The following NME9 variants were observed in gnomAD, a reference collection of about 807,000 sequenced individuals.
NME9 encodes thioredoxin domain-containing protein 6.
NME9 carries 48 observed loss-of-function variants against 44.4 expected under a neutral mutation model. The ratio of observed to expected loss-of-function variants is 1.08; its 90% CI spans 0.86 to 1.37. NME9 has a LOEUF of 1.37. NME9 is among the 40% of genes most tolerant of loss of function. The probability of loss-of-function intolerance (pLI) is 0.00; values close to 1 mark genes in which losing one functional copy is unlikely to be tolerated. For missense variants in NME9, 325 were observed against 405.2 expected (o/e 0.80, Z 1.70); for synonymous variants, 139 against 147.1 (o/e 0.94, Z 0.40).
At chr3:138,303,022 A>G (rs1577114290) in intron 10 of NME9, among the ~76,000 whole-genome samples, 1 of 152,336 alleles carries the variant, frequency 6.6e-6, no homozygotes, top group South Asian at 2.1e-4. Flanking sequence ...GGAAGGTCCT[A>G]AACAACGGTC....
At chr3:138,279,607 GAATT>G (rs1025245972) in intron 8 of NME9, among the ~76,000 whole-genome samples, 2 of 152,086 alleles carry the variant, frequency 1.3e-5, no homozygotes, top group Admixed American at 1.3e-4. Flanking sequence ...AATTTGTGAA[GAATT>G]AATTATTTTT....
chr3:138,298,692 C>T (rs193283788), downstream of NME9, among the ~76,000 whole-genome samples: 61 of 152,296 alleles, frequency 4.0e-4, no homozygotes, highest in African/African-American at 1.3e-3. Flanking sequence ...TTAGGTATGC[C>T]CCATCTCCAC....
chr3:138,263,704 G>A (rs761534040), intron 8 of NME9: 2 of 1,542,748 alleles, frequency 1.3e-6, no homozygotes, highest in South Asian at 2.2e-5. Context: ...TCACCTTCAT[G>A]TTGTTATTTA....
At chr3:138,293,699 C>A (rs2051203313) in intron 8 of NME9, among the ~76,000 whole-genome samples, 1 of 152,220 alleles carries the variant, frequency 6.6e-6, no homozygotes, top group Non-Finnish European at 1.5e-5. Flanking sequence ...CTGGCATAAA[C>A]AGTGGGCTCT....
chr3:138,329,267 A>T, intron 1 of NME9, 36 bp downstream of exon 1: 1 of 1,526,306 alleles, frequency 6.6e-7, no homozygotes, highest in Non-Finnish European at 8.8e-7. Flanking sequence ...CCCGAGCCCA[A>T]CCCAGAGCTG....
intron 2 of NME9, among the ~76,000 whole-genome samples, chr3:138,320,915 A>C (rs924253435): frequency 5.3e-5 from 8 of 152,230 alleles, no homozygotes; most frequent in Admixed American, 4.6e-4. Context: ...ATTCACAGTA[A>C]GTATTAGAAG....
intron 2 of NME9, among the ~76,000 whole-genome samples, chr3:138,323,770 A>T (rs543040585): frequency 6.6e-6 from 1 of 152,320 alleles, no homozygotes; most frequent in Non-Finnish European, 1.5e-5. Context: ...AGGTATATTC[A>T]CAGAGAGAAA....
At chr3:138,287,695 A>G (rs1456817062) in intron 8 of NME9, 2 of 456,598 alleles carry the variant, frequency 4.4e-6, no homozygotes, top group Non-Finnish European at 4.4e-6. Flanking sequence ...ATCACTAGCC[A>G]TAGAATTCTA....
At chr3:138,296,397 T>C (rs2051487479), downstream of NME9, 3 of 152,304 alleles carry the variant, frequency 2.0e-5, no homozygotes, top group Admixed American at 2.0e-4. Flanking sequence ...CTGAATTATA[T>C]ACAGTTTGAA....
In NME9 at chr3:138,274,420, A is replaced by G. The variant is rs377531059; in HGVS notation, c.746-11834T>C. On this transcript the variant is annotated intron_variant, in intron 8 of 8. Coordinates refer to the NME9 transcript ENST00000317876. ...TCGTCCTGTGGTCTTTGTTTCTTTG[A>G]TAATTATGGATTTCCCATTGTTTTA... 2.1e-6 allele frequency: 3 copies of G among 1,437,120 alleles called. No individual in the cohort carries two copies. The African/African-American group carries it at 4.3e-5, about 20-fold the overall frequency. The allele number at this position is 1,437,120 out of a possible 1,614,324, so 89.0% of individuals were successfully genotyped here. A position where few individuals can be genotyped will look rare whatever the true frequency, so the allele number is the denominator to read the frequency against.
chr3:138,329,758 G>A lies in NME9; in HGVS notation c.-423C>T. On this transcript the variant is annotated 5_prime_UTR_variant, in exon 1 of 11. Coordinates refer to ENST00000333911, the MANE Select transcript of NME9 (RefSeq NM_001349018.2). ...CCCTGCTGTTCTTATGGATTACTGG[G>A]AAAGTGAGCCACTGCGAACGACAGG... The A allele has an allele frequency of 1.0e-6, 1 of 1,002,250 alleles. No homozygotes were observed. The highest frequency in any genetic ancestry group is 1.2e-6 in the Non-Finnish European group (1 of 840,912). The allele number at this position is 1,002,250 out of a possible 1,614,324, so 62.1% of individuals were successfully genotyped here.
intron 8 of NME9, chr3:138,287,769 A>T (rs1472864314): frequency 2.2e-6 from 1 of 445,862 alleles, no homozygotes; most frequent in Non-Finnish European, 4.6e-6. Context: ...ACATGAGAAG[A>T]TAAGTCTGTC....
chr3:138,262,984 T>C (rs76377125), intron 8 of NME9, among the ~76,000 whole-genome samples: 2,087 of 152,346 alleles, frequency 0.014, 52 homozygotes, highest in African/African-American at 0.048. Flanking sequence ...TAATATAACA[T>C]GCTTAGCACA....
At chr3:138,277,762 G>A (rs6790657) in intron 8 of NME9, among the ~76,000 whole-genome samples, 2 of 152,094 alleles carry the variant, frequency 1.3e-5, no homozygotes, top group East Asian at 1.9e-4. Flanking sequence ...CGTGCCATAC[G>A]ACCCAGCAAT....
At chr3:138,296,043 A>G, downstream of NME9, 1 of 608,054 alleles carries the variant, frequency 1.6e-6, no homozygotes, top group Non-Finnish European at 2.7e-6. Context: ...TAGATCTCAA[A>G]TTCATCTTGA....
At chr3:138,284,401 C>T (rs2050211093) in intron 8 of NME9, 2 of 1,567,450 alleles carry the variant, frequency 1.3e-6, no homozygotes, top group Non-Finnish European at 1.8e-6. Flanking sequence ...TCAGAGCTTT[C>T]CTGACTGTTG....
intron 8 of NME9, among the ~76,000 whole-genome samples, chr3:138,287,315 T>G (rs969498818): frequency 2.0e-5 from 3 of 152,106 alleles, no homozygotes; most frequent in Non-Finnish European, 4.4e-5. Context: ...AGGAACTTTT[T>G]CTCCTGCTTG....
At chr3:138,262,603 A>T in intron 8 of NME9, 2 of 1,584,088 alleles carry the variant, frequency 1.3e-6, no homozygotes, top group Non-Finnish European at 1.7e-6. Flanking sequence ...AGATTAAAAA[A>T]AAAAAAAAAA....
At chr3:138,305,521 AT>A (rs1369714402) in intron 8 of NME9, among the ~76,000 whole-genome samples, 1 of 152,036 alleles carries the variant, frequency 6.6e-6, no homozygotes, top group Non-Finnish European at 1.5e-5. Flanking sequence ...CAACCATGGG[AT>A]GCCTATTCCC....
Sources: gnomAD v4.1 joint callset for allele counts (sites outside exome capture counted in the v4.1 genomes callset) on GRCh38, gnomAD v4.1.1 for gene constraint, MANE v1.5 for transcripts, NCBI Gene and HGNC (gene_info 2026-07-23, HGNC 2026-07-21) for gene names.